CNTNAP2: variants seen among roughly 807,000 people sequenced by gnomAD.
CNTNAP2 encodes the protein contactin associated protein 2.
CNTNAP2 carries 98 observed loss-of-function variants against 155.2 expected under a neutral mutation model. That is an observed-to-expected ratio of 0.63 (90% CI 0.54 to 0.75). The LOEUF is 0.75. Ranked by LOEUF, CNTNAP2 falls within the 30% of genes least tolerant of loss-of-function variation. The probability of loss-of-function intolerance (pLI) is 0.00; values close to 1 mark genes in which losing one functional copy is unlikely to be tolerated. For missense variants in CNTNAP2, 1,727 were observed against 1,688.1 expected (o/e 1.02, Z -0.40); for synonymous variants, 651 against 631.2 (o/e 1.03, Z -0.47).
chr7:147,282,676 G>A (rs1016478519), intron 8 of CNTNAP2, among the ~76,000 whole-genome samples: 1 of 151,870 alleles, frequency 6.6e-6, no homozygotes, highest in Admixed American at 6.6e-5. Flanking sequence ...TTATGTATCT[G>A]TGTGTCATAA....
intron 3 of CNTNAP2, among the ~76,000 whole-genome samples, chr7:146,933,220 G>A (rs961010024): frequency 2.8e-4 from 42 of 151,950 alleles, no homozygotes; most frequent in African/African-American, 9.9e-4. Flanking sequence ...AAACAGCATG[G>A]TACTGGTACC....
intron 13 of CNTNAP2, among the ~76,000 whole-genome samples, chr7:147,670,049 T>C (rs1232551950): frequency 6.6e-6 from 1 of 152,222 alleles, no homozygotes; most frequent in African/African-American, 2.4e-5. Flanking sequence ...TTTTCTTTCA[T>C]GTATTGAAAC....
At chr7:148,022,185 TA>T (rs138292028) in intron 15 of CNTNAP2, among the ~76,000 whole-genome samples, 45,996 of 148,856 alleles carry the variant, frequency 0.31, 7,227 homozygotes, top group Middle Eastern at 0.37. Flanking sequence ...AAAGAGGGTT[TA>T]AAAAAAAAAA....
In CNTNAP2 at chr7:147,527,015, C is replaced by CTTTTT. The variant is rs888976222; in HGVS notation, c.1778-35100_1778-35096dup. ...CATGAATTATGGAAGACAGGCATTT[C>CTTTTT]TTTTTTTTTTTTTTTTTTTTTTTTT... is the stretch of plus-strand genomic sequence containing the variant. On this transcript the variant is annotated intron_variant, in intron 11 of 23. Transcript: ENST00000361727. Among the ~76,000 whole-genome samples, 53 of 65,146 alleles carry CTTTTT rather than the reference C, an allele frequency of 8.1e-4. 4 individuals are homozygous for CTTTTT. Among genetic ancestry groups the CTTTTT allele is most frequent in the African/African-American group, 2.4e-3 (30 of 12,750 alleles). 42.7% of individuals were successfully genotyped at this position (65,146 alleles called of 152,430 possible).
intron 15 of CNTNAP2, among the ~76,000 whole-genome samples, chr7:148,106,493 G>GATATATATATATATATATATATATATAT (rs10532740): frequency 6.4e-5 from 8 of 124,908 alleles, no homozygotes; most frequent in African/African-American, 2.4e-4. Context: ...CACACTTTGA[G>GATATATATATATATATATATATATATAT]ATATATATAT....
At chr7:147,608,951 A>C (rs1327518927) in intron 12 of CNTNAP2, among the ~76,000 whole-genome samples, 1 of 152,140 alleles carries the variant, frequency 6.6e-6, no homozygotes, top group Non-Finnish European at 1.5e-5. Context: ...AGCCAGGAGA[A>C]GGAATTTCAC....
chr7:146,885,337 G>A (rs1283417658), intron 3 of CNTNAP2, among the ~76,000 whole-genome samples: 2 of 151,982 alleles, frequency 1.3e-5, no homozygotes, highest in East Asian at 3.9e-4. Flanking sequence ...ACAAGTTAGT[G>A]GCAAGAAACG....
At chr7:147,024,062 A>G (rs1798859581) in intron 3 of CNTNAP2, among the ~76,000 whole-genome samples, 1 of 152,076 alleles carries the variant, frequency 6.6e-6, no homozygotes, top group Non-Finnish European at 1.5e-5. Context: ...TTTTCTTTAT[A>G]TGCTTATTAT....
At chr7:147,733,410 T>G (rs1203465451) in intron 13 of CNTNAP2, among the ~76,000 whole-genome samples, 1 of 152,206 alleles carries the variant, frequency 6.6e-6, no homozygotes, top group African/African-American at 2.4e-5. Flanking sequence ...CCATGCTGTT[T>G]TGGTTACTGT....
At chr7:146,423,463 T>C (rs1796043438) in intron 1 of CNTNAP2, among the ~76,000 whole-genome samples, 1 of 152,154 alleles carries the variant, frequency 6.6e-6, no homozygotes, top group South Asian at 2.1e-4. Context: ...GTTTTAGAAG[T>C]GTGTATGCAA....
chr7:146,334,430 C>CAA (rs1179295401), intron 1 of CNTNAP2, among the ~76,000 whole-genome samples: 7,446 of 93,764 alleles, frequency 0.079, 582 homozygotes, highest in African/African-American at 0.24. Context: ...GACTCCGTCT[C>CAA]AAAAAAAAAA....
intron 8 of CNTNAP2, among the ~76,000 whole-genome samples, chr7:147,249,271 CATT>C (rs765695810): frequency 6.6e-6 from 1 of 152,012 alleles, no homozygotes; most frequent in Non-Finnish European, 1.5e-5. Context: ...AGGATTTCAT[CATT>C]ATGTGGGCCA....
chr7:147,480,969 G>C (rs11976387), intron 10 of CNTNAP2, among the ~76,000 whole-genome samples: 68,380 of 151,986 alleles, frequency 0.45, 16,690 homozygotes, highest in African/African-American at 0.64. Context: ...ACTTTTGAGT[G>C]CCAAGGATTC....
intron 9 of CNTNAP2, among the ~76,000 whole-genome samples, chr7:147,339,488 T>G (rs944645494): frequency 1.3e-5 from 2 of 152,174 alleles, no homozygotes; most frequent in African/African-American, 4.8e-5. Flanking sequence ...CTGCCCAGTC[T>G]TGAACTTTGC....
At chr7:146,864,620 A>C (rs904795276) in intron 3 of CNTNAP2, among the ~76,000 whole-genome samples, 1 of 152,162 alleles carries the variant, frequency 6.6e-6, no homozygotes, top group African/African-American at 2.4e-5. Flanking sequence ...GAATAGAAGA[A>C]GTAGGCCTGT....
intron 1 of CNTNAP2, among the ~76,000 whole-genome samples, chr7:146,548,040 T>C (rs540068637): frequency 6.6e-6 from 1 of 151,962 alleles, no homozygotes; most frequent in South Asian, 2.1e-4. Flanking sequence ...TGGGGGTTTG[T>C]CATACAGATT....
chr7:146,633,503 T>A (rs1000988234), intron 1 of CNTNAP2, among the ~76,000 whole-genome samples: 29 of 152,088 alleles, frequency 1.9e-4, no homozygotes, highest in Non-Finnish European at 4.1e-4. Flanking sequence ...AATCACAAGC[T>A]CCATAACAGG....
At chr7:147,649,327 T>C (rs1288515212) in intron 13 of CNTNAP2, among the ~76,000 whole-genome samples, 1 of 152,224 alleles carries the variant, frequency 6.6e-6, no homozygotes, top group Non-Finnish European at 1.5e-5. Context: ...TCTAACCTTT[T>C]GATTCTGAAA....
intron 21 of CNTNAP2, among the ~76,000 whole-genome samples, chr7:148,364,813 G>A (rs147409322): frequency 2.5e-3 from 380 of 152,262 alleles, no homozygotes; most frequent in Admixed American, 3.6e-3. Flanking sequence ...CAACCCGCTC[G>A]GGTCCTCTTC....
Sources: gnomAD v4.1 joint callset for allele counts (sites outside exome capture counted in the v4.1 genomes callset) on GRCh38, gnomAD v4.1.1 for gene constraint, MANE v1.5 for transcripts, NCBI Gene and HGNC (gene_info 2026-07-23, HGNC 2026-07-21) for gene names.